PCDH7: variants seen among roughly 807,000 people sequenced by gnomAD.
PCDH7 encodes the protein protocadherin 7.
A neutral mutation model predicts 58.9 loss-of-function variants in PCDH7; 17 were observed. The observed-to-expected ratio is 0.29, with a 90% CI of 0.20 to 0.43. The LOEUF (loss-of-function observed/expected upper bound fraction) is 0.43. PCDH7 is among the 20% of genes least tolerant of loss of function. The pLI, the probability that PCDH7 is intolerant of heterozygous loss-of-function variation, is 1.00. For missense variants in PCDH7, 1,274 were observed against 1,441.0 expected, an observed-to-expected ratio of 0.88 and a Z score of 1.88; for synonymous variants, 664 against 616.4, an observed-to-expected ratio of 1.08 and a Z score of -1.14.
intron 1 of PCDH7, among the ~76,000 whole-genome samples, chr4:30,756,028 G>A (rs377229391): frequency 2.6e-5 from 4 of 152,138 alleles, no homozygotes; most frequent in South Asian, 2.1e-4. Flanking sequence ...GCAGTGAGCC[G>A]ATATCGCACC....
At chr4:30,939,126 C>T (rs1030965712) in intron 2 of PCDH7, among the ~76,000 whole-genome samples, 11 of 152,114 alleles carry the variant, frequency 7.2e-5, no homozygotes, top group African/African-American at 1.9e-4. Flanking sequence ...CCTGGGAGCA[C>T]TTAGGCCTGC....
At chr4:31,062,286 A>C (rs1196670608) in intron 3 of PCDH7, among the ~76,000 whole-genome samples, 1 of 151,712 alleles carries the variant, frequency 6.6e-6, no homozygotes, top group Admixed American at 6.6e-5. Context: ...ATTGCATTCT[A>C]TCTCTATTTC....
At chr4:31,109,466 G>T (rs1716014390) in intron 3 of PCDH7, among the ~76,000 whole-genome samples, 1 of 152,196 alleles carries the variant, frequency 6.6e-6, no homozygotes, top group Admixed American at 6.5e-5. Context: ...AGAGGATAAA[G>T]TCAAGTTTGT....
At chr4:30,805,949 G>C (rs1007806693) in intron 1 of PCDH7, among the ~76,000 whole-genome samples, 1 of 152,132 alleles carries the variant, frequency 6.6e-6, no homozygotes, top group Non-Finnish European at 1.5e-5. Flanking sequence ...AAGTGTTTTG[G>C]ATTTCCAATT....
intron 1 of PCDH7, among the ~76,000 whole-genome samples, chr4:30,849,365 GT>G (rs5857207): frequency 0.12 from 18,867 of 152,128 alleles, 1,538 homozygotes; most frequent in East Asian, 0.25. Flanking sequence ...CACAACATGT[GT>G]TTACTGATTC....
intron 1 of PCDH7, among the ~76,000 whole-genome samples, chr4:30,834,665 A>T (rs574657563): frequency 2.1e-5 from 3 of 142,084 alleles, no homozygotes; most frequent in Non-Finnish European, 4.6e-5. Context: ...AGATGAAAGT[A>T]AAAAAAAAAA....
chr4:30,935,098 T>C (rs1745180309), intron 2 of PCDH7, among the ~76,000 whole-genome samples: 1 of 152,144 alleles, frequency 6.6e-6, no homozygotes, highest in Non-Finnish European at 1.5e-5. Context: ...GAAGTATTGC[T>C]GAAGTATTAC....
chr4:31,058,235 C>A (rs1231173486), intron 3 of PCDH7, among the ~76,000 whole-genome samples: 1 of 152,056 alleles, frequency 6.6e-6, no homozygotes, highest in African/African-American at 2.4e-5. Flanking sequence ...TCAATTAATT[C>A]TGTGCAAGGA....
chr4:30,928,951 A>G (rs1362070132), intron 2 of PCDH7, among the ~76,000 whole-genome samples: 1 of 152,160 alleles, frequency 6.6e-6, no homozygotes, highest in African/African-American at 2.4e-5. Flanking sequence ...AAACTCTAAA[A>G]TTTATCCTTG....
chr4:30,725,805 TGAAG>T (rs1714535599), intron 1 of PCDH7, among the ~76,000 whole-genome samples: 1 of 152,130 alleles, frequency 6.6e-6, no homozygotes, highest in African/African-American at 2.4e-5. Context: ...ATAGCCTCAT[TGAAG>T]ATTATAGTTA....
intron 1 of PCDH7, among the ~76,000 whole-genome samples, chr4:30,728,210 C>T (rs1262408221): frequency 6.8e-6 from 1 of 147,458 alleles, no homozygotes; most frequent in African/African-American, 2.5e-5. Flanking sequence ...TTGCTGTCAT[C>T]TATTAAGCAA....
intron 1 of PCDH7, among the ~76,000 whole-genome samples, chr4:30,760,501 A>G (rs1719882494): frequency 6.6e-6 from 1 of 152,178 alleles, no homozygotes; most frequent in African/African-American, 2.4e-5. Flanking sequence ...GCAAAGTCTC[A>G]AGATACAAAA....
At chr4:30,828,641 A>T (rs551126255) in intron 1 of PCDH7, among the ~76,000 whole-genome samples, 14 of 152,024 alleles carry the variant, frequency 9.2e-5, no homozygotes, top group Non-Finnish European at 1.8e-4. Flanking sequence ...GCAAAAAAAC[A>T]TAAGGCTGGT....
intron 3 of PCDH7, among the ~76,000 whole-genome samples, chr4:30,986,268 A>G (rs562869981): frequency 6.6e-6 from 1 of 152,230 alleles, no homozygotes; most frequent in African/African-American, 2.4e-5. Flanking sequence ...ACTGCTGATG[A>G]CATTAATATT....
chr4:31,117,702 T>G (rs1717167727), intron 3 of PCDH7, among the ~76,000 whole-genome samples: 1 of 152,144 alleles, frequency 6.6e-6, no homozygotes, highest in South Asian at 2.1e-4. Flanking sequence ...TAATTGAAAT[T>G]TACAAGGAAA....
chr4:30,878,289 G>C (rs1197785014), intron 1 of PCDH7, among the ~76,000 whole-genome samples: 1 of 152,102 alleles, frequency 6.6e-6, no homozygotes, highest in African/African-American at 2.4e-5. Context: ...TCCACTTCTG[G>C]ACTGTTGGAA....
rs139200110 is a variant in PCDH7 at position 31,052,695 on chromosome 4, C to T, written c.*8-89778C>T. The stretch of plus-strand genomic sequence containing the variant: ...TCTGCATATGCAATTATAAAAGGAG[C>T]TTTGTTTCTGACACACAGCAAGCTT... On this transcript the variant is annotated intron_variant, in intron 3 of 3. Transcript: ENST00000509759. Among the ~76,000 whole-genome samples, 147 of 152,190 alleles carry T rather than the reference C, an allele frequency of 9.7e-4. 1 individual carries two copies. The East Asian group carries it at 0.024, about 25-fold the overall frequency.
Position 30,860,381 on chromosome 4 carries a change from G to A in PCDH7, c.71-59772G>A, listed in dbSNP as rs183249567. 1.8e-4 allele frequency among the ~76,000 whole-genome samples: 27 copies of A among 152,042 alleles called. No homozygotes were observed. The East Asian group carries it at 4.7e-3, about 26-fold the overall frequency. ...TGTACTGCTCTGAGGAAGTAGAGCA[G>A]AGAGGACATTGGCAAGTGTAAATGA... On this transcript the variant is annotated intron_variant, in intron 1 of 3. Transcript: ENST00000509759.
At chr4:30,982,481 T>C (rs952227538) in intron 3 of PCDH7, among the ~76,000 whole-genome samples, 1 of 152,200 alleles carries the variant, frequency 6.6e-6, no homozygotes, top group Non-Finnish European at 1.5e-5. Context: ...TTCTCTCTCA[T>C]AGGAGGTAGA....
Sources: allele counts gnomAD v4.1 joint callset (sites outside exome capture counted in the v4.1 genomes callset), GRCh38; gene constraint gnomAD v4.1.1; transcripts MANE v1.5; gene names NCBI Gene and HGNC (gene_info 2026-07-23, HGNC 2026-07-21).